Variants in PPP2R3A observed in about 807,000 individuals in gnomAD.
PPP2R3A encodes serine/threonine-protein phosphatase 2A regulatory subunit B'' subunit alpha.
A neutral mutation model predicts 106.9 loss-of-function variants in PPP2R3A; 80 were observed. The observed-to-expected ratio is 0.75, with a 90% CI of 0.62 to 0.90. The LOEUF is 0.90. PPP2R3A is among the 40% of genes least tolerant of loss of function. The probability of loss-of-function intolerance (pLI) is 0.00; values close to 1 mark genes in which losing one functional copy is unlikely to be tolerated. For missense variants in PPP2R3A, 1,386 were observed against 1,350.4 expected, an observed-to-expected ratio of 1.03 and a Z score of -0.41; for synonymous variants, 483 against 468.3, an observed-to-expected ratio of 1.03 and a Z score of -0.41.
chr3:135,988,937 A>G (rs576307314), intron 1 of PPP2R3A, among the ~76,000 whole-genome samples: 18 of 152,166 alleles, frequency 1.2e-4, no homozygotes, highest in Non-Finnish European at 1.6e-4. Context: ...AGTGACGCCA[A>G]GTTTGTCTAA....
intron 9 of PPP2R3A, among the ~76,000 whole-genome samples, chr3:136,088,293 C>T (rs1054177728): frequency 6.6e-6 from 1 of 152,140 alleles, no homozygotes; most frequent in African/African-American, 2.4e-5. Context: ...TTGTTCCCAT[C>T]TTTATGTCCA....
intron 5 of PPP2R3A, among the ~76,000 whole-genome samples, chr3:136,056,346 G>A (rs1401124393): frequency 6.6e-6 from 1 of 152,126 alleles, no homozygotes; most frequent in Admixed American, 6.5e-5. Context: ...AAAATAATGT[G>A]TCAATATCAG....
intron 6 of PPP2R3A, among the ~76,000 whole-genome samples, chr3:136,071,167 TTCCACCGACCAGCCCCAGGGCCA>T (rs1308078640): frequency 5.9e-5 from 9 of 152,212 alleles, no homozygotes; most frequent in Non-Finnish European, 1.3e-4. Context: ...TTTGGAGACA[TTCCACCGACCAGCCCCAGGGCCA>T]TTCACCAGAC....
At chr3:136,059,875 A>C (rs1936017555) in intron 5 of PPP2R3A, among the ~76,000 whole-genome samples, 1 of 152,244 alleles carries the variant, frequency 6.6e-6, no homozygotes, top group Admixed American at 6.5e-5. Context: ...AACCTAACAC[A>C]AAAACAGAAA....
At chr3:136,098,898 G>A (rs1937283446) in intron 10 of PPP2R3A, among the ~76,000 whole-genome samples, 1 of 152,190 alleles carries the variant, frequency 6.6e-6, no homozygotes, top group South Asian at 2.1e-4. Flanking sequence ...TTCAGGTCAT[G>A]TCCTCTACCC....
Position 136,146,537 on chromosome 3 carries a change from G to A in PPP2R3A, c.*1371G>A, listed in dbSNP as rs1381459580. On this transcript the variant is annotated 3_prime_UTR_variant, in exon 14 of 14. Transcript: ENST00000264977. ...AAAGGAGAATTTAGGAAATAAATATGCTATAAACAAGGTACAGTACAGTGA... is the reference window on the plus strand; with the variant it reads ...AAAGGAGAATTTAGGAAATAAATATACTATAAACAAGGTACAGTACAGTGA... The A allele has an allele frequency of 2.0e-5, 3 of 152,148 alleles. No individual in the cohort carries two copies. The highest frequency in any genetic ancestry group is 4.4e-5 in the Non-Finnish European group (3 of 68,026). The allele number at this position is 152,148 out of a possible 1,614,324, so 9.4% of individuals were successfully genotyped here.
At chr3:136,029,564 A>G (rs541681569) in intron 3 of PPP2R3A, among the ~76,000 whole-genome samples, 1 of 152,348 alleles carries the variant, frequency 6.6e-6, no homozygotes, top group South Asian at 2.1e-4. Context: ...CGACTTTGCC[A>G]TTTATGTGCA....
intron 2 of PPP2R3A, among the ~76,000 whole-genome samples, chr3:136,019,342 T>C (rs1934383974): frequency 6.6e-6 from 1 of 152,208 alleles, no homozygotes; most frequent in Non-Finnish European, 1.5e-5. Flanking sequence ...CAAACTTAAT[T>C]TATAACCTAT....
At chr3:136,087,857 G>T in intron 8 of PPP2R3A, 26 bp from the exon 9 acceptor site, 1 of 1,586,586 alleles carries the variant, frequency 6.3e-7, no homozygotes, top group Admixed American at 1.7e-5. Flanking sequence ...AACTAGCTTT[G>T]CAATTTTTTT....
intron 7 of PPP2R3A, among the ~76,000 whole-genome samples, chr3:136,080,954 T>G (rs1050143554): frequency 6.6e-6 from 1 of 152,158 alleles, no homozygotes; most frequent in East Asian, 1.9e-4. Flanking sequence ...CTAACATTTG[T>G]GTTATGAAAT....
intron 1 of PPP2R3A, among the ~76,000 whole-genome samples, chr3:135,983,054 G>T (rs1372535030): frequency 2.8e-4 from 42 of 152,136 alleles, no homozygotes; most frequent in Admixed American, 2.7e-3. Context: ...GTCTTGCTTG[G>T]TTAAATAGAG....
chr3:136,083,889 TG>T (rs1936855388), intron 8 of PPP2R3A, among the ~76,000 whole-genome samples: 1 of 152,228 alleles, frequency 6.6e-6, no homozygotes, highest in African/African-American at 2.4e-5. Flanking sequence ...TGTGGAACTT[TG>T]AACTTGAAAG....
chr3:136,122,799 C>T (rs953808844), intron 13 of PPP2R3A, among the ~76,000 whole-genome samples: 44 of 152,248 alleles, frequency 2.9e-4, no homozygotes, highest in African/African-American at 9.4e-4. Flanking sequence ...TGTCAAATCT[C>T]TCAATGTATA....
intron 5 of PPP2R3A, among the ~76,000 whole-genome samples, chr3:136,059,938 A>G (rs1936020207): frequency 6.6e-6 from 1 of 152,232 alleles, no homozygotes; most frequent in Admixed American, 6.5e-5. Context: ...ATGAGAACAC[A>G]TGGACACATA....
chr3:136,042,250 A>G (rs1435545405), intron 4 of PPP2R3A, among the ~76,000 whole-genome samples: 2 of 152,294 alleles, frequency 1.3e-5, no homozygotes, highest in East Asian at 1.9e-4. Flanking sequence ...TAAAGAGTCT[A>G]TGTTGGTGGA....
In PPP2R3A at chr3:136,002,901, A is replaced by C. The variant is rs562281382; in HGVS notation, c.1403A>C (p.Glu468Ala). ...LKKCPTPMQN[E>A]IGKIFEKSFV... The stretch of plus-strand genomic sequence containing the variant: ...AAATGCCCCACCCCAATGCAAAATG[A>C]AATTGGTAAGATATTTGAGAAATCA... The change falls in exon 2 of 14, where the codon GAA (glutamate) becomes GCA (alanine). Residue 468 changes from glutamate (E) to alanine (A), a missense_variant. Physicochemically the swap from Glu to Ala is moderately radical, Grantham distance 107. Transcript: ENST00000264977. 1.2e-6 allele frequency: 2 copies of C among 1,612,562 alleles called. No individual in the cohort carries two copies. The highest frequency in any genetic ancestry group is 4.5e-5 in the East Asian group (2 of 44,864).
chr3:136,001,983 G>C lies in PPP2R3A; in HGVS notation c.485G>C (p.Cys162Ser). 6.2e-7 allele frequency: 1 copy of C among 1,614,112 alleles called. No homozygotes were observed. Among genetic ancestry groups the C allele is most frequent in the Non-Finnish European group, 8.5e-7 (1 of 1,180,012 alleles). The change falls in exon 2 of 14, where the codon TGT (cysteine) becomes TCT (serine). Residue 162 changes from cysteine to serine, a missense_variant. Physicochemically the swap from Cys to Ser is moderately radical, Grantham distance 112. Coordinates refer to ENST00000264977, the MANE Select transcript of PPP2R3A (RefSeq NM_002718.5). ...NRRSVDLDLL[C>S]GHYNNDGNAP... ...AGGTCAGTTGATTTGGACTTGCTTT[G>C]TGGCCATTATAACAACGATGGGAAC...
intron 4 of PPP2R3A, among the ~76,000 whole-genome samples, chr3:136,043,011 C>G (rs1935339208): frequency 6.6e-6 from 1 of 150,632 alleles, no homozygotes; most frequent in South Asian, 2.1e-4. Flanking sequence ...AATGTGGGCT[C>G]AAGTATAGTA....
At chr3:135,969,416 C>T (rs961628820) in intron 1 of PPP2R3A, among the ~76,000 whole-genome samples, 2 of 152,202 alleles carry the variant, frequency 1.3e-5, no homozygotes, top group Admixed American at 6.5e-5. Context: ...AAGATGACTC[C>T]CAGGGTTCTA....
Sources: allele counts gnomAD v4.1 joint callset (sites outside exome capture counted in the v4.1 genomes callset), GRCh38; gene constraint gnomAD v4.1.1; transcripts MANE v1.5; gene names NCBI Gene and HGNC (gene_info 2026-07-23, HGNC 2026-07-21).